The following SLC7A8 variants were observed in gnomAD, a reference collection of about 807,000 sequenced individuals.
The protein encoded by SLC7A8 is large neutral amino acids transporter small subunit 2.
In SLC7A8, 30 loss-of-function variants were observed where a neutral mutation model predicts 51.2. That is an observed-to-expected ratio of 0.59 (90% CI 0.44 to 0.80). The LOEUF (loss-of-function observed/expected upper bound fraction) is 0.80. Ranked by LOEUF, SLC7A8 falls within the 30% of genes least tolerant of loss-of-function variation. SLC7A8 has a pLI of 0.00. For synonymous variants in SLC7A8, 257 were observed against 275.8 expected (o/e 0.93, Z 0.67); for missense variants, 612 against 674.4 (o/e 0.91, Z 1.03).
At chr14:23,135,687 G>A (rs1027846333) in intron 7 of SLC7A8, among the ~76,000 whole-genome samples, 1 of 146,444 alleles carries the variant, frequency 6.8e-6, no homozygotes, top group Non-Finnish European at 1.5e-5. Context: ...GGGCGACAGA[G>A]CGAGACTCTG....
intron 3 of SLC7A8, among the ~76,000 whole-genome samples, chr14:23,154,922 A>G (rs984879642): frequency 6.6e-6 from 1 of 151,386 alleles, no homozygotes; most frequent in Admixed American, 6.6e-5. Flanking sequence ...TTGTCTGATA[A>G]AGTTATACAT....
intron 10 of SLC7A8, among the ~76,000 whole-genome samples, 188 bp from the exon 11 acceptor site, chr14:23,127,531 A>G (rs11625112): frequency 0.48 from 73,228 of 152,096 alleles, 17,833 homozygotes; most frequent in East Asian, 0.58. Context: ...TTGCTTATGA[A>G]GGCCCCAGCC....
intron 3 of SLC7A8, among the ~76,000 whole-genome samples, chr14:23,161,896 C>T (rs1340121729): frequency 1.5e-5 from 2 of 134,778 alleles, no homozygotes; most frequent in Non-Finnish European, 3.1e-5. Flanking sequence ...CACTACACTC[C>T]AGCCTGGGTG....
chr14:23,153,131 A>C (rs2048862007), intron 3 of SLC7A8, among the ~76,000 whole-genome samples: 1 of 152,038 alleles, frequency 6.6e-6, no homozygotes, highest in African/African-American at 2.4e-5. Flanking sequence ...TTTCTTTTAC[A>C]GATGGGAGTC....
In SLC7A8 at chr14:23,165,822, G is replaced by T. The variant is rs1233309961; in HGVS notation, c.357-386C>A. On this transcript the variant is annotated intron_variant, in intron 2 of 10. Transcript: ENST00000316902. The surrounding 1 kb of genome is among the most constrained non-coding windows in gnomAD (Gnocchi z 4.2). ...CAGGAGAGGTATCAAGTGGGGGTTT[G>T]CAGGGGAAGCGCCTTCCACACCTTT... Among the ~76,000 whole-genome samples, 3 of 152,144 alleles carry T rather than the reference G, an allele frequency of 2.0e-5. No individual in the cohort carries two copies. Among genetic ancestry groups the T allele is most frequent in the Non-Finnish European group, 2.9e-5 (2 of 68,038 alleles).
rs2048721504 is a variant in SLC7A8 at position 23,139,450 on chromosome 14, G to A, written c.886C>T (p.Leu296=). The change falls in exon 6 of 11, where the codon CTG becomes TTG. Residue 296 remains leucine, a synonymous_variant. Coordinates refer to ENST00000316902, the MANE Select transcript of SLC7A8 (RefSeq NM_012244.4). ...AYVTAMSPQE[L]LASNAVAVTF... Reference sequence around the variant, plus strand: ...ACAGCGACGGCGTTGGATGCCAGCAGCTCCTGGGGGGACATTGCAGTGACA... The same window carrying A: ...ACAGCGACGGCGTTGGATGCCAGCAACTCCTGGGGGGACATTGCAGTGACA... 2 of 1,614,140 alleles carry A rather than the reference G, an allele frequency of 1.2e-6. No individual in the cohort carries two copies. The highest frequency in any genetic ancestry group is 3.3e-5 in the Admixed American group (2 of 60,028).
intron 3 of SLC7A8, among the ~76,000 whole-genome samples, chr14:23,147,106 A>ATCCATCCATCCATCCATCC (rs1421417665): frequency 7.7e-4 from 5 of 6,524 alleles, no homozygotes; most frequent in African/African-American, 1.6e-3. Context: ...TCCATCCATC[A>ATCCATCCATCCATCCATCC]TAGATCCATT....
intron 3 of SLC7A8, among the ~76,000 whole-genome samples, chr14:23,144,833 T>TG (rs1317074734): frequency 2.0e-5 from 3 of 152,184 alleles, no homozygotes; most frequent in African/African-American, 7.2e-5. Context: ...ATATCAGCTG[T>TG]GTTTTGTAGA....
At chr14:23,137,261 G>A (rs1418834178) in intron 7 of SLC7A8, among the ~76,000 whole-genome samples, 1 of 152,138 alleles carries the variant, frequency 6.6e-6, no homozygotes, top group East Asian at 1.9e-4. Flanking sequence ...TCTGGGGTGG[G>A]GGTCACGGAT....
At chr14:23,156,124 G>A (rs555077311) in intron 3 of SLC7A8, among the ~76,000 whole-genome samples, 3 of 151,568 alleles carry the variant, frequency 2.0e-5, no homozygotes, top group African/African-American at 7.3e-5. Flanking sequence ...TCAGCCTCCC[G>A]AGTAGCTGGG....
At chr14:23,145,525 T>G (rs2048786050) in intron 3 of SLC7A8, among the ~76,000 whole-genome samples, 1 of 54,324 alleles carries the variant, frequency 1.8e-5, no homozygotes, top group African/African-American at 7.7e-5. Flanking sequence ...AGACCACATC[T>G]CAAAAAAAAA....
rs567350181 is a variant in SLC7A8 at position 23,149,127 on chromosome 14, T to C, written c.509-5923A>G. Reference sequence around the variant, plus strand: ...AGTGTGTTCACCTGGTTAGCAAAGTTCCACACCACATAGCCGCTTCGCACT... The same window carrying C: ...AGTGTGTTCACCTGGTTAGCAAAGTCCCACACCACATAGCCGCTTCGCACT... On this transcript the variant is annotated intron_variant, in intron 3 of 10. Transcript: ENST00000316902. Among the ~76,000 whole-genome samples, 5 of 152,222 alleles carry C rather than the reference T, an allele frequency of 3.3e-5. No homozygotes were observed. In the South Asian group the frequency reaches 1.0e-3, roughly 32 times the overall value.
chr14:23,156,351 T>G (rs1195414743), intron 3 of SLC7A8: 1 of 152,214 alleles, frequency 6.6e-6, no homozygotes, highest in East Asian at 1.9e-4. Context: ...CATCTGTACA[T>G]GGGGCCATGC....
chr14:23,169,322 C>T (rs2048964854), intron 1 of SLC7A8, among the ~76,000 whole-genome samples: 1 of 152,112 alleles, frequency 6.6e-6, no homozygotes. Flanking sequence ...TGCACCACTG[C>T]ACTCTAGTGA....
intron 5 of SLC7A8, among the ~76,000 whole-genome samples, 153 bp downstream of exon 5, chr14:23,140,318 T>C (rs573810363): frequency 1.0e-3 from 155 of 152,292 alleles, no homozygotes; most frequent in African/African-American, 3.5e-3. Flanking sequence ...TTTAAGTGCC[T>C]GGGAAATGAA....
chr14:23,129,991 A>T (rs1380499583), intron 8 of SLC7A8, 192 bp from the exon 9 acceptor site: 11 of 600,808 alleles, frequency 1.8e-5, no homozygotes, highest in Non-Finnish European at 2.9e-5. Flanking sequence ...ATCCTTTCTT[A>T]TTACAGGGGT....
chr14:23,163,900 C>T (rs1334739971), intron 3 of SLC7A8, among the ~76,000 whole-genome samples: 1 of 152,102 alleles, frequency 6.6e-6, no homozygotes, highest in Non-Finnish European at 1.5e-5. Context: ...GCCTCTCTAA[C>T]CTATTCCAGC....
At chr14:23,168,267 C>T (rs905070092) in intron 1 of SLC7A8, among the ~76,000 whole-genome samples, 1 of 152,120 alleles carries the variant, frequency 6.6e-6, no homozygotes, top group Non-Finnish European at 1.5e-5. Flanking sequence ...TCAGACAGTC[C>T]CCATATGCTC....
chr14:23,156,249 C>A (rs1287480825), intron 3 of SLC7A8: 1 of 152,162 alleles, frequency 6.6e-6, no homozygotes, highest in Non-Finnish European at 1.5e-5. Context: ...CCGCCCTCCT[C>A]GGCCTCCCAA....
Sources: gnomAD v4.1 joint callset for allele counts (sites outside exome capture counted in the v4.1 genomes callset) on GRCh38, gnomAD v4.1.1 for gene constraint, Gnocchi (gnomAD v3.1) non-coding constraint, MANE v1.5 for transcripts, NCBI Gene and HGNC (gene_info 2026-07-23, HGNC 2026-07-21) for gene names.